MEGF10: variants seen among roughly 807,000 people sequenced by gnomAD.
MEGF10 encodes multiple EGF like domains 10.
Under a neutral mutation model 147.5 loss-of-function variants are expected in MEGF10, and 86 were observed. That is an observed-to-expected ratio of 0.58 (90% CI 0.49 to 0.70). MEGF10 has a LOEUF of 0.70. Among genes scored for constraint, MEGF10 ranks in the 30% least tolerant of loss-of-function variants. The probability of loss-of-function intolerance (pLI) is 0.00; values close to 1 mark genes in which losing one functional copy is unlikely to be tolerated. For missense variants in MEGF10, 1,329 were observed against 1,487.3 expected, an observed-to-expected ratio of 0.89 and a Z score of 1.75; for synonymous variants, 478 against 525.5, an observed-to-expected ratio of 0.91 and a Z score of 1.24.
intron 4 of MEGF10, among the ~76,000 whole-genome samples, chr5:127,347,868 C>T (rs554768856): frequency 2.0e-4 from 30 of 152,154 alleles, no homozygotes; most frequent in South Asian, 4.1e-4. Context: ...GTGAACCTCA[C>T]TTCTTAATCT....
the MEGF10 span, among the ~76,000 whole-genome samples, chr5:127,262,284 TG>T: frequency 0.05 from 7,617 of 152,224 alleles, 317 homozygotes; most frequent in African/African-American, 0.11. Flanking sequence ...AGTTATTTTT[TG>T]TGTATGATGG....
chr5:127,458,684 T>G lies in MEGF10; in HGVS notation c.*1366T>G, dbSNP rs992684539. 4.6e-5 allele frequency: 7 copies of G among 152,308 alleles called. No homozygotes were observed. The highest frequency in any genetic ancestry group is 1.7e-4 in the African/African-American group (7 of 41,576). 9.4% of individuals were successfully genotyped at this position (152,308 alleles called of 1,614,324 possible). On this transcript the variant is annotated 3_prime_UTR_variant, in exon 25 of 25. Transcript: ENST00000503335. Reference sequence around the variant, plus strand: ...GATTGGCTTATAAATGAAGTAGAAATGCTTTTTAATATTCCAAAATAGAGT... The same window carrying G: ...GATTGGCTTATAAATGAAGTAGAAAGGCTTTTTAATATTCCAAAATAGAGT...
chr5:127,395,207 C>A (rs1010330960), intron 5 of MEGF10, among the ~76,000 whole-genome samples: 15 of 152,074 alleles, frequency 9.9e-5, no homozygotes, highest in Non-Finnish European at 1.6e-4. Flanking sequence ...TTTATCATCA[C>A]CCTCTTTAAT....
Position 127,422,677 on chromosome 5 carries a change from C to T in MEGF10, c.1598C>T (p.Thr533Met), listed in dbSNP as rs150043761. 22 of 1,613,800 alleles carry T rather than the reference C, an allele frequency of 1.4e-5. No individual in the cohort carries two copies. In the East Asian group the frequency reaches 3.8e-4, roughly 28 times the overall value. Reference sequence around the variant, plus strand: ...ATGCTGTTTTCCATGCAGGATGGCACGTACGGGCTGAACTGTGCTGAGCGC... The same window carrying T: ...ATGCTGTTTTCCATGCAGGATGGCATGTACGGGCTGAACTGTGCTGAGCGC... ...EKCELPCQDG[T>M]YGLNCAERCD... Residue 533 changes from threonine to methionine, a missense_variant, in exon 13 of 25, where the codon ACG (threonine) becomes ATG (methionine). Thr to Met is a moderately conservative substitution (Grantham distance 81). Around this residue, in one of 3 missense-constraint regions of MEGF10, gnomAD observed 980 missense variants for 1,085.9 expected, o/e 0.90. Coordinates refer to ENST00000503335, the MANE Select transcript of MEGF10 (RefSeq NM_001256545.2).
At chr5:127,280,068 C>G in the MEGF10 span, among the ~76,000 whole-genome samples, 2 of 151,988 alleles carry the variant, frequency 1.3e-5, no homozygotes, top group African/African-American at 4.8e-5. Context: ...AAAATAATAT[C>G]CACTGTTTTC....
At chr5:127,300,614 T>C (rs1208124637) in intron 1 of MEGF10, among the ~76,000 whole-genome samples, 1 of 152,194 alleles carries the variant, frequency 6.6e-6, no homozygotes, top group Non-Finnish European at 1.5e-5. Context: ...TCTGTCTGCA[T>C]TTTACACTTC....
At chr5:127,419,882 T>C (rs1764923927) in intron 11 of MEGF10, among the ~76,000 whole-genome samples, 162 bp from the exon 12 acceptor site, 1 of 152,180 alleles carries the variant, frequency 6.6e-6, no homozygotes, top group Non-Finnish European at 1.5e-5. Flanking sequence ...CTTCTGTTCA[T>C]TTCTGATGGA....
In MEGF10 at chr5:127,395,536, C is replaced by CTT. The variant is rs35926205; in HGVS notation, c.413-971_413-970dup. 7.8e-4 allele frequency among the ~76,000 whole-genome samples: 51 copies of CTT among 65,634 alleles called. 3 individuals are homozygous for CTT. Among genetic ancestry groups the CTT allele is most frequent in the African/African-American group, 2.4e-3 (39 of 16,062 alleles). The allele number at this position is 65,634 out of a possible 152,430, so 43.1% of individuals were successfully genotyped here. A position where few individuals can be genotyped will look rare whatever the true frequency, so the allele number is the denominator to read the frequency against. On this transcript the variant is annotated intron_variant, in intron 5 of 24. Transcript: ENST00000503335. ...CAAACACAGATGTTTTGACTGATATCTTTTTTTTTTTTTTTTTTTTTTTTT... is the reference window on the plus strand; with the variant it reads ...CAAACACAGATGTTTTGACTGATATCTTTTTTTTTTTTTTTTTTTTTTTTTTT...
chr5:127,252,567 T>C, the MEGF10 span, among the ~76,000 whole-genome samples: 4 of 151,972 alleles, frequency 2.6e-5, no homozygotes, highest in Non-Finnish European at 5.9e-5. Flanking sequence ...AATGCACATA[T>C]ACTTGCACGT....
At chr5:127,372,235 C>A (rs1354917770) in intron 5 of MEGF10, among the ~76,000 whole-genome samples, 1 of 152,164 alleles carries the variant, frequency 6.6e-6, no homozygotes, top group Non-Finnish European at 1.5e-5. Context: ...ATTAGACTGG[C>A]TCCTTGTATC....
intron 5 of MEGF10, among the ~76,000 whole-genome samples, chr5:127,370,971 C>T (rs1452127677): frequency 1.3e-5 from 2 of 152,180 alleles, no homozygotes; most frequent in African/African-American, 2.4e-5. Context: ...TGAAATTAGT[C>T]TGAATGGACT....
chr5:127,372,269 G>C (rs1282586592), intron 5 of MEGF10, among the ~76,000 whole-genome samples: 2 of 152,206 alleles, frequency 1.3e-5, no homozygotes, highest in African/African-American at 4.8e-5. Flanking sequence ...TTAGGAGATA[G>C]AAACCACAGT....
chr5:127,435,527 A>G, intron 16 of MEGF10, 38 bp downstream of exon 16: 1 of 1,579,798 alleles, frequency 6.3e-7, no homozygotes, highest in Non-Finnish European at 8.6e-7. Flanking sequence ...AACTGTTCTT[A>G]TTTGTTTGTT....
intron 17 of MEGF10, among the ~76,000 whole-genome samples, chr5:127,439,640 C>T (rs138464122): frequency 7.3e-4 from 111 of 152,330 alleles, no homozygotes; most frequent in African/African-American, 2.5e-3. Context: ...AAAATTAGAA[C>T]GTGCTTCAAA....
In MEGF10 at chr5:127,410,552, G is replaced by C; in HGVS notation, c.1081G>C (p.Gly361Arg). The C allele has an allele frequency of 6.2e-7, 1 of 1,612,400 alleles. No homozygotes were observed. The highest frequency in any genetic ancestry group is 8.5e-7 in the Non-Finnish European group (1 of 1,179,942). The change falls in exon 9 of 25, where the codon GGC (glycine) becomes CGC (arginine). Residue 361 changes from glycine (G) to arginine (R), a missense_variant. Gly to Arg is a moderately radical substitution (Grantham distance 125, BLOSUM62 -2). Around this residue, in one of 3 missense-constraint regions of MEGF10, gnomAD observed 980 missense variants for 1,085.9 expected, o/e 0.90. Transcript: ENST00000503335. ...ACGCCTGTGTCCTGAGGGGCTCTACGGCATCAAATGTGACAAACGGTGTCC... is the reference window on the plus strand; with the variant it reads ...ACGCCTGTGTCCTGAGGGGCTCTACCGCATCAAATGTGACAAACGGTGTCC... ...EARLCPEGLY[G>R]IKCDKRCPCH... is the part of the protein sequence containing the mutation.
intron 9 of MEGF10, among the ~76,000 whole-genome samples, chr5:127,413,152 C>A (rs1372181955): frequency 6.6e-6 from 1 of 152,090 alleles, no homozygotes; most frequent in Non-Finnish European, 1.5e-5. Flanking sequence ...TATCATGGAG[C>A]TGAAATGAAT....
At chr5:127,441,172 A>C (rs1361148570) in intron 18 of MEGF10, among the ~76,000 whole-genome samples, 2 of 152,218 alleles carry the variant, frequency 1.3e-5, no homozygotes, top group Admixed American at 6.5e-5. Flanking sequence ...GTGGCTGCTC[A>C]GAGCCTTAAA....
chr5:127,277,144 A>T, the MEGF10 span, among the ~76,000 whole-genome samples: 1 of 152,240 alleles, frequency 6.6e-6, no homozygotes, highest in Admixed American at 6.5e-5. Context: ...AGAGTAGTGG[A>T]TACCATGTGC....
In MEGF10 at chr5:127,449,161, G is replaced by A. The variant is rs770936974; in HGVS notation, c.2919G>A (p.Val973=). Residue 973 remains valine, a synonymous_variant, in exon 22 of 25, where the codon GTG becomes GTA. Transcript: ENST00000503335. ...TGAACCCTGGGAAGAGAGGCCCTGT[G>A]GGGGACTGCACTGGGACATTGCCGG... The part of the protein sequence containing the change: ...KNVNPGKRGP[V]GDCTGTLPAD... 9.3e-6 allele frequency: 15 copies of A among 1,614,074 alleles called. No homozygotes were observed. The highest frequency in any genetic ancestry group is 8.9e-5 in the East Asian group (4 of 44,884).
Sources: allele counts gnomAD v4.1 joint callset (sites outside exome capture counted in the v4.1 genomes callset), GRCh38; gene constraint gnomAD v4.1.1; regional missense constraint gnomAD v4.1.1; transcripts MANE v1.5; gene names NCBI Gene and HGNC (gene_info 2026-07-23, HGNC 2026-07-21).